Variants in PSMD1 observed in about 807,000 individuals in gnomAD.
The protein encoded by PSMD1 is 26S proteasome non-ATPase regulatory subunit 1.
A neutral mutation model predicts 119.0 loss-of-function variants in PSMD1; 18 were observed. The observed-to-expected ratio is 0.15, with a 90% CI of 0.10 to 0.22. The LOEUF is 0.22. Among genes scored for constraint, PSMD1 ranks in the 10% least tolerant of loss-of-function variants. PSMD1 has a pLI of 1.00. For synonymous variants in PSMD1, 374 were observed against 396.6 expected, an observed-to-expected ratio of 0.94 and a Z score of 0.68; for missense variants, 702 against 1,158.5, an observed-to-expected ratio of 0.61 and a Z score of 5.72.
intron 7 of PSMD1, 22 bp from the exon 8 acceptor site, chr2:231,075,489 T>G: frequency 6.2e-7 from 1 of 1,608,658 alleles, no homozygotes; most frequent in Non-Finnish European, 8.5e-7. Flanking sequence ...TCAGAAAAAA[T>G]TATTGGTTCT....
chr2:231,169,000 G>T (rs916536060), intron 23 of PSMD1, among the ~76,000 whole-genome samples: 1 of 152,184 alleles, frequency 6.6e-6, no homozygotes, highest in African/African-American at 2.4e-5. Flanking sequence ...ATCTACAGTT[G>T]TAATTAGCCT....
intron 21 of PSMD1, among the ~76,000 whole-genome samples, chr2:231,164,460 A>G (rs1696710584): frequency 6.6e-6 from 1 of 152,102 alleles, no homozygotes; most frequent in Non-Finnish European, 1.5e-5. Flanking sequence ...GATACCTTAT[A>G]TATAGGAAAG....
intron 16 of PSMD1, among the ~76,000 whole-genome samples, chr2:231,103,203 A>G (rs1410787790): frequency 1.3e-5 from 2 of 152,222 alleles, no homozygotes; most frequent in Non-Finnish European, 1.5e-5. Flanking sequence ...AACAAAACAC[A>G]GACCCATATA....
intron 16 of PSMD1, among the ~76,000 whole-genome samples, chr2:231,095,611 A>T (rs937044497): frequency 6.6e-6 from 1 of 152,212 alleles, no homozygotes; most frequent in African/African-American, 2.4e-5. Flanking sequence ...TTGAGGAAAC[A>T]CTTTCCAATG....
At chr2:231,130,987 A>G (rs1695840182) in intron 16 of PSMD1, among the ~76,000 whole-genome samples, 1 of 152,216 alleles carries the variant, frequency 6.6e-6, no homozygotes, top group South Asian at 2.1e-4. Flanking sequence ...ATTGTTACTA[A>G]TGATTTAATG....
chr2:231,097,114 T>C (rs1694746577), intron 16 of PSMD1, among the ~76,000 whole-genome samples: 1 of 152,216 alleles, frequency 6.6e-6, no homozygotes, highest in South Asian at 2.1e-4. Flanking sequence ...TTAGTTGTTT[T>C]GCTTGATTTT....
intron 12 of PSMD1, 37 bp downstream of exon 12, chr2:231,080,351 C>G: frequency 2.7e-6 from 4 of 1,474,324 alleles, no homozygotes; most frequent in Non-Finnish European, 3.7e-6. Flanking sequence ...TTCCAAAACT[C>G]AAGAATCCAG....
chr2:231,108,378 A>T lies in PSMD1; in HGVS notation c.1883+21197A>T, dbSNP rs146146692. Reference sequence around the variant, plus strand: ...CTTGTCCAAATTAGGAAAATTAGATATTCTTAATACTTACATCTTAGGTTA... The same window carrying T: ...CTTGTCCAAATTAGGAAAATTAGATTTTCTTAATACTTACATCTTAGGTTA... On this transcript the variant is annotated intron_variant, in intron 16 of 24. Coordinates refer to ENST00000308696, the MANE Select transcript of PSMD1 (RefSeq NM_002807.4). 2.1e-3 allele frequency: 1,387 copies of T among 652,520 alleles called. 19 individuals carry two copies. The African/African-American group carries it at 0.022, about 11-fold the overall frequency. 40.4% of individuals were successfully genotyped at this position (652,520 alleles called of 1,614,324 possible). A position where few individuals can be genotyped will look rare whatever the true frequency, so the allele number is the denominator to read the frequency against.
rs987491176 is a variant in PSMD1, at chr2:231,070,079, C to G, written c.565C>G (p.Gln189Glu). ...YSLKLCMSLM[Q>E]NKQFRNKVLR... ...CCTTAAGCTCTGCATGTCTTTAATG[C>G]AGAATAAACAGTTTCGGAATAAAGT... The change falls in exon 6 of 25, where the codon CAG becomes GAG. Residue 189 changes from glutamine to glutamate, a missense_variant. By Grantham distance (29) the Gln-to-Glu change is conservative. Around this residue, in one of 9 missense-constraint regions of PSMD1, gnomAD observed 58 missense variants for 54.0 expected, o/e 1.07. Transcript: ENST00000308696. The G allele has an allele frequency of 2.5e-6, 4 of 1,572,578 alleles. No individual in the cohort carries two copies. In the Admixed American group the frequency reaches 5.9e-5, roughly 23 times the overall value.
chr2:231,171,439 C>G (rs971397605), intron 24 of PSMD1, among the ~76,000 whole-genome samples: 7 of 151,812 alleles, frequency 4.6e-5, no homozygotes, highest in African/African-American at 1.5e-4. Flanking sequence ...ATGAAATTGT[C>G]GTTCTTCATT....
At chr2:231,119,865 G>A (rs1191770389) in intron 16 of PSMD1, among the ~76,000 whole-genome samples, 12 of 71,220 alleles carry the variant, frequency 1.7e-4, no homozygotes, top group Non-Finnish European at 2.2e-4. Flanking sequence ...ACGAGACTCC[G>A]TCTCAAAAAA....
chr2:231,082,951 T>C lies in PSMD1; in HGVS notation c.1482T>C (p.Tyr494=), dbSNP rs748643197. The C allele has an allele frequency of 2.5e-6, 4 of 1,614,156 alleles. No individual in the cohort carries two copies. The highest frequency in any genetic ancestry group is 2.5e-6 in the Non-Finnish European group (3 of 1,179,976). Residue 494 remains tyrosine (Y), a synonymous_variant, in exon 13 of 25, where the codon TAT becomes TAC. Coordinates refer to ENST00000308696, the MANE Select transcript of PSMD1 (RefSeq NM_002807.4). ...TGGGAACTGCACGTCAAGATGTTTA[T>C]GATTTGCTAAAAACAAACCTTTATC... ...AAMGTARQDV[Y]DLLKTNLYQD...
chr2:231,086,465 T>C (rs939677925), intron 15 of PSMD1, among the ~76,000 whole-genome samples: 4 of 152,050 alleles, frequency 2.6e-5, no homozygotes, highest in Non-Finnish European at 5.9e-5. Context: ...AAGACTAGCA[T>C]GTCCAACGTG....
chr2:231,079,125 CATT>C (rs745505917), intron 10 of PSMD1, among the ~76,000 whole-genome samples: 5 of 152,124 alleles, frequency 3.3e-5, no homozygotes, highest in Non-Finnish European at 5.9e-5. Context: ...ACTGTGTTAA[CATT>C]GTTGTAGAGA....
chr2:231,057,610 A>C (rs1693635597), intron 1 of PSMD1, among the ~76,000 whole-genome samples: 1 of 152,256 alleles, frequency 6.6e-6, no homozygotes, highest in African/African-American at 2.4e-5. Flanking sequence ...GGTTCGGCGA[A>C]GACCCTAAAG....
chr2:231,148,592 A>C (rs113802898), intron 18 of PSMD1, among the ~76,000 whole-genome samples: 1 of 152,338 alleles, frequency 6.6e-6, no homozygotes, highest in African/African-American at 2.4e-5. Flanking sequence ...CTTTGCCAGT[A>C]ATATAAACTG....
At chr2:231,157,826 C>T (rs548923691) in intron 19 of PSMD1, among the ~76,000 whole-genome samples, 1 of 152,018 alleles carries the variant, frequency 6.6e-6, no homozygotes, top group Non-Finnish European at 1.5e-5. Context: ...CTCGGCCTCC[C>T]AAAGTGCTGG....
intron 17 of PSMD1, among the ~76,000 whole-genome samples, 189 bp from the exon 18 acceptor site, chr2:231,146,051 A>G (rs1696245057): frequency 6.6e-6 from 1 of 152,094 alleles, no homozygotes; most frequent in African/African-American, 2.4e-5. Flanking sequence ...TACTAGGCCT[A>G]CACAGGGCCA....
chr2:231,110,064 A>T (rs1409593683), intron 16 of PSMD1, among the ~76,000 whole-genome samples: 25 of 152,196 alleles, frequency 1.6e-4, no homozygotes, highest in Admixed American at 1.6e-3. Flanking sequence ...CATGCCTGTA[A>T]TTCCAGCACT....
Sources: gnomAD v4.1 joint callset for allele counts (sites outside exome capture counted in the v4.1 genomes callset) on GRCh38, gnomAD v4.1.1 for gene constraint, gnomAD v4.1.1 regional missense constraint, MANE v1.5 for transcripts, NCBI Gene and HGNC (gene_info 2026-07-23, HGNC 2026-07-21) for gene names.